Variants in BAHD1 observed in about 807,000 individuals in gnomAD.
BAHD1 encodes bromo adjacent homology domain containing 1.
Under a neutral mutation model 63.1 loss-of-function variants are expected in BAHD1, and 20 were observed. The observed-to-expected ratio is 0.32, with a 90% CI of 0.22 to 0.46. The LOEUF (loss-of-function observed/expected upper bound fraction) is 0.46, where lower values mean the gene tolerates loss of function less well. Among genes scored for constraint, BAHD1 ranks in the 20% least tolerant of loss-of-function variants. The pLI, the probability that BAHD1 is intolerant of heterozygous loss-of-function variation, is 1.00. For synonymous variants in BAHD1, 408 were observed against 426.8 expected (o/e 0.96, Z 0.54); for missense variants, 939 against 1,071.8 (o/e 0.88, Z 1.73).
At position 40,458,879 on chromosome 15, in the gene BAHD1, A is replaced by G. The variant is rs1363418773; in HGVS notation, c.415A>G (p.Ser139Gly). Residue 139 changes from serine to glycine, a missense_variant, in exon 2 of 7, where the codon AGC (serine) becomes GGC (glycine). Ser to Gly is a moderately conservative substitution (Grantham distance 56). Coordinates refer to ENST00000416165, the MANE Select transcript of BAHD1 (RefSeq NM_014952.5). The surrounding 1 kb of genome is among the most constrained non-coding windows in gnomAD (Gnocchi z 4.7). ...GCTGCTGGAGCGAGAGGACACCAGCAGCCTGGCAGGCACCCGCCGCAGTCG... is the reference window on the plus strand; with the variant it reads ...GCTGCTGGAGCGAGAGGACACCAGCGGCCTGGCAGGCACCCGCCGCAGTCG... ...NLLLEREDTS[S>G]LAGTRRSRAG... 6.3e-7 allele frequency: 1 copy of G among 1,596,574 alleles called. No individual in the cohort carries two copies. Among genetic ancestry groups the G allele is most frequent in the African/African-American group, 1.3e-5 (1 of 74,636 alleles).
At position 40,466,504 on chromosome 15, in the gene BAHD1, T is replaced by A; in HGVS notation, c.*374T>A. ...AGGAACCAGACCCAACAGGCCCTTCTGTAGCCTCCCCCTTGCCCTCAAAGG... is the reference window on the plus strand; with the variant it reads ...AGGAACCAGACCCAACAGGCCCTTCAGTAGCCTCCCCCTTGCCCTCAAAGG... On this transcript the variant is annotated 3_prime_UTR_variant, in exon 7 of 7. Transcript: ENST00000416165. 1 of 182,192 alleles carries A rather than the reference T, an allele frequency of 5.5e-6. No homozygotes were observed. The highest frequency in any genetic ancestry group is 1.1e-5 in the Non-Finnish European group (1 of 87,004). 11.3% of individuals were successfully genotyped at this position (182,192 alleles called of 1,614,324 possible).
intron 1 of BAHD1, among the ~76,000 whole-genome samples, chr15:40,447,119 T>C (rs894836790): frequency 2.6e-5 from 4 of 152,218 alleles, no homozygotes; most frequent in African/African-American, 4.8e-5. Context: ...TGCCGCTTGA[T>C]GCCAGGAGAT....
At chr15:40,441,677 G>A (rs1208356328) in intron 1 of BAHD1, among the ~76,000 whole-genome samples, 3 of 147,876 alleles carry the variant, frequency 2.0e-5, no homozygotes, top group Non-Finnish European at 4.5e-5. Flanking sequence ...TCCTCGCCGC[G>A]GCGGAGCCGG....
At chr15:40,463,180 C>G (rs966282243) in intron 3 of BAHD1, among the ~76,000 whole-genome samples, 1 of 152,132 alleles carries the variant, frequency 6.6e-6, no homozygotes, top group Admixed American at 6.6e-5. Context: ...TAGCATGCAT[C>G]TGTAGTCCCA....
intron 1 of BAHD1, among the ~76,000 whole-genome samples, chr15:40,446,808 CTG>C (rs1027145758): frequency 1.8e-4 from 27 of 152,280 alleles, no homozygotes; most frequent in African/African-American, 6.0e-4. Context: ...AGGATGGGAC[CTG>C]TCTTTCTGCC....
At chr15:40,465,230 G>A in intron 5 of BAHD1, 105 bp from the exon 6 acceptor site, 1 of 948,310 alleles carries the variant, frequency 1.1e-6, no homozygotes, top group Non-Finnish European at 1.7e-6. Context: ...GCTTGCTGGA[G>A]TCATCTCAGG....
At chr15:40,447,591 TAAATAAA>T (rs1258231411) in intron 1 of BAHD1, among the ~76,000 whole-genome samples, 61 of 149,324 alleles carry the variant, frequency 4.1e-4, no homozygotes, top group Admixed American at 9.3e-4. Flanking sequence ...AATAAATAAA[TAAATAAA>T]TAAATAAATA....
upstream of BAHD1, among the ~76,000 whole-genome samples, chr15:40,440,251 G>C (rs1893361524): frequency 6.6e-6 from 1 of 152,146 alleles, no homozygotes. Flanking sequence ...CGGGTGAGGG[G>C]TTACCGAGCC....
chr15:40,441,519 A>T (rs1005218908), intron 1 of BAHD1, among the ~76,000 whole-genome samples: 1 of 150,290 alleles, frequency 6.7e-6, no homozygotes, highest in African/African-American at 2.4e-5. Context: ...CCATCGGGGA[A>T]CGCGGCGCGC....
intron 1 of BAHD1, among the ~76,000 whole-genome samples, chr15:40,447,001 G>A (rs1893558538): frequency 6.6e-6 from 1 of 152,216 alleles, no homozygotes; most frequent in African/African-American, 2.4e-5. Context: ...TGTCCACAAT[G>A]TTTAGGAATA....
intron 1 of BAHD1, among the ~76,000 whole-genome samples, chr15:40,446,446 G>T (rs991645358): frequency 1.3e-5 from 2 of 152,220 alleles, no homozygotes; most frequent in African/African-American, 2.4e-5. Context: ...GTGGGTGGGA[G>T]TGGGGTCATC....
intron 1 of BAHD1, among the ~76,000 whole-genome samples, chr15:40,444,199 T>A (rs912132864): frequency 6.6e-5 from 10 of 152,312 alleles, no homozygotes; most frequent in Admixed American, 6.5e-5. Flanking sequence ...TGTGGTTGGT[T>A]GCTGAGTTAG....
chr15:40,466,397 T>C lies in BAHD1; in HGVS notation c.*267T>C. 3.5e-6 allele frequency: 1 copy of C among 289,452 alleles called. No individual in the cohort carries two copies. 17.9% of individuals were successfully genotyped at this position (289,452 alleles called of 1,614,324 possible). On this transcript the variant is annotated 3_prime_UTR_variant, in exon 7 of 7. Coordinates refer to ENST00000416165, the MANE Select transcript of BAHD1 (RefSeq NM_014952.5). ...CCCCTGGGTGGAGATTTCCGAAAAG[T>C]AGTCTTCTCTGAGGCTGGGCCAAGC...
In BAHD1 at chr15:40,459,616, C is replaced by A; in HGVS notation, c.1152C>A (p.Gly384=). The A allele has an allele frequency of 6.2e-7, 1 of 1,614,166 alleles. No homozygotes were observed. Residue 384 remains glycine (G), a synonymous_variant, in exon 2 of 7, where the codon GGC becomes GGA. Transcript: ENST00000416165. ...TAGGCAGCTTCTACCTGTACTGTGG[C>A]CAAGAGGGGCTGCAGTGTGGGGGCT... ...TALGSFYLYC[G]QEGLQCGGYS...
intron 4 of BAHD1, 193 bp downstream of exon 4, chr15:40,464,213 A>G: frequency 1.4e-6 from 1 of 727,246 alleles, no homozygotes; most frequent in South Asian, 1.9e-5. Context: ...GGGTTGGATC[A>G]GCTCATTAAC....
Position 40,457,929 on chromosome 15 carries a change from C to T in BAHD1, c.-14-522C>T, listed in dbSNP as rs750315995. On this transcript the variant is annotated intron_variant, in intron 1 of 6. Coordinates refer to ENST00000416165, the MANE Select transcript of BAHD1 (RefSeq NM_014952.5). Reference sequence around the variant, plus strand: ...CCGAGAGGCTGAGGCAGGAGAATGGCGTGAACCTGGGAGGCGGAGCTTGCA... The same window carrying T: ...CCGAGAGGCTGAGGCAGGAGAATGGTGTGAACCTGGGAGGCGGAGCTTGCA... Among the ~76,000 whole-genome samples, 13 of 152,228 alleles carry T rather than the reference C, an allele frequency of 8.5e-5. No homozygotes were observed. In the South Asian group the frequency reaches 1.0e-3, roughly 12 times the overall value.
intron 1 of BAHD1, among the ~76,000 whole-genome samples, chr15:40,449,242 A>C (rs904466360): frequency 6.6e-6 from 1 of 152,240 alleles, no homozygotes; most frequent in Non-Finnish European, 1.5e-5. Flanking sequence ...TGCCAGGTGC[A>C]TAGTGAGTGC....
At chr15:40,461,870 G>T (rs1894052297) in intron 2 of BAHD1, 42 bp from the exon 3 acceptor site, 6 of 1,529,976 alleles carry the variant, frequency 3.9e-6, no homozygotes, top group Non-Finnish European at 5.3e-6. Flanking sequence ...GGTGATGGGG[G>T]TCACTGCTTG....
Position 40,459,822 on chromosome 15 carries a change from G to A in BAHD1, c.1358G>A (p.Gly453Glu). The change falls in exon 2 of 7, where the codon GGA becomes GAA. Residue 453 changes from glycine to glutamate, a missense_variant. Around this residue, in one of 5 missense-constraint regions of BAHD1, gnomAD observed 797 missense variants for 813.3 expected, o/e 0.98. Coordinates refer to ENST00000416165, the MANE Select transcript of BAHD1 (RefSeq NM_014952.5). ...DTGVNGYSIC[G>E]VLPLSVTHAG... ...GGAGTGAATGGCTACAGCATCTGCGGAGTGTTGCCCCTGTCTGTTACCCAC... is the reference window on the plus strand; with the variant it reads ...GGAGTGAATGGCTACAGCATCTGCGAAGTGTTGCCCCTGTCTGTTACCCAC... The A allele has an allele frequency of 6.2e-7, 1 of 1,612,814 alleles. No individual in the cohort carries two copies. Among genetic ancestry groups the A allele is most frequent in the Non-Finnish European group, 8.5e-7 (1 of 1,179,698 alleles).
Sources: allele counts gnomAD v4.1 joint callset (sites outside exome capture counted in the v4.1 genomes callset), GRCh38; gene constraint gnomAD v4.1.1; regional missense constraint gnomAD v4.1.1; non-coding constraint Gnocchi (gnomAD v3.1); transcripts MANE v1.5; gene names NCBI Gene and HGNC (gene_info 2026-07-23, HGNC 2026-07-21).